The following PXDN variants were observed in gnomAD, a reference collection of about 807,000 sequenced individuals.
PXDN encodes the protein peroxidasin homolog.
PXDN carries 77 observed loss-of-function variants against 140.3 expected under a neutral mutation model. The observed-to-expected ratio is 0.55, with a 90% CI of 0.46 to 0.66. The LOEUF (loss-of-function observed/expected upper bound fraction) is 0.66, where lower values mean the gene tolerates loss of function less well. Ranked by LOEUF, PXDN falls within the 30% of genes least tolerant of loss-of-function variation. PXDN has a pLI of 0.00. For missense variants in PXDN, 1,838 were observed against 2,039.5 expected, an observed-to-expected ratio of 0.90 and a Z score of 1.90; for synonymous variants, 911 against 857.4, an observed-to-expected ratio of 1.06 and a Z score of -1.09.
intron 1 of PXDN, among the ~76,000 whole-genome samples, chr2:1,709,296 G>T (rs1416234907): frequency 6.6e-6 from 1 of 152,206 alleles, no homozygotes; most frequent in African/African-American, 2.4e-5. Context: ...CTCAGGAGGA[G>T]GCCCGGGAGT....
chr2:1,648,579 G>A lies in PXDN; in HGVS notation c.3201C>T (p.Thr1067=), dbSNP rs750128735. 32 of 1,613,820 alleles carry A rather than the reference G, an allele frequency of 2.0e-5. No homozygotes were observed. Among genetic ancestry groups the A allele is most frequent in the Admixed American group, 1.2e-4 (7 of 60,026 alleles). Residue 1067 remains threonine (T), a synonymous_variant, in exon 17 of 23, where the codon ACC becomes ACT. Transcript: ENST00000252804. This position sits in a 1 kb window ranked among gnomAD's most constrained non-coding sequence, Gnocchi z 8.9. ...GCGTGTGGCCAAACCTGAAGGCCGC[G>A]GTGGCGAAGGCGTTGAAGATGCCAG... The part of the protein sequence containing the change: ...INAGIFNAFA[T]AAFRFGHTLV...
intron 1 of PXDN, among the ~76,000 whole-genome samples, chr2:1,737,683 C>T (rs765617276): frequency 4.3e-4 from 65 of 151,998 alleles, no homozygotes; most frequent in Non-Finnish European, 8.2e-4. Context: ...GAACTACAGG[C>T]GTGAGCCACC....
chr2:1,728,119 T>C (rs796647201), intron 1 of PXDN, among the ~76,000 whole-genome samples: 1 of 152,274 alleles, frequency 6.6e-6, no homozygotes, highest in African/African-American at 2.4e-5. Flanking sequence ...TTGTATTTTT[T>C]GTAGAGACGG....
intron 9 of PXDN, chr2:1,672,375 C>T (rs1259352237): frequency 6.6e-6 from 1 of 152,222 alleles, no homozygotes; most frequent in African/African-American, 2.4e-5. Flanking sequence ...TACTCATAAT[C>T]CATAGTTATT....
chr2:1,641,869 T>G (rs868045475), intron 19 of PXDN, among the ~76,000 whole-genome samples: 1 of 152,068 alleles, frequency 6.6e-6, no homozygotes, highest in Non-Finnish European at 1.5e-5. Context: ...AGAAAATGGG[T>G]TTTTGTATCA....
chr2:1,651,859 G>A lies in PXDN; in HGVS notation c.2104+1769C>T, dbSNP rs914359225. Among the ~76,000 whole-genome samples the A allele has an allele frequency of 6.6e-6, 1 of 152,206 alleles. No homozygotes were observed. The highest frequency in any genetic ancestry group is 1.5e-5 in the Non-Finnish European group (1 of 68,038). ...GTTTTCCATCTGCATTTCTCTGGAA[G>A]GTCTGATCTTTGAGGGCAGAGGTTT... On this transcript the variant is annotated intron_variant, in intron 16 of 22. Coordinates refer to ENST00000252804, the MANE Select transcript of PXDN (RefSeq NM_012293.3). This position sits in a 1 kb window ranked among gnomAD's most constrained non-coding sequence, Gnocchi z 4.4.
At position 1,639,504 on chromosome 2, in the gene PXDN, G is replaced by A; in HGVS notation, c.3953-82C>T. 6.3e-7 allele frequency: 1 copy of A among 1,589,022 alleles called. No individual in the cohort carries two copies. The highest frequency in any genetic ancestry group is 2.2e-5 in the East Asian group (1 of 44,534). Reference sequence around the variant, plus strand: ...TTAAGCACATCCTGCCAACTATGAAGTCTTCACTGGCTGCCCGTGGAACAA... The same window carrying A: ...TTAAGCACATCCTGCCAACTATGAAATCTTCACTGGCTGCCCGTGGAACAA... On this transcript the variant is annotated intron_variant, in intron 19 of 22. Transcript: ENST00000252804. This position sits in a 1 kb window ranked among gnomAD's most constrained non-coding sequence, Gnocchi z 5.0.
At chr2:1,693,909 G>A (rs1447912391) in intron 1 of PXDN, among the ~76,000 whole-genome samples, 11 of 152,330 alleles carry the variant, frequency 7.2e-5, no homozygotes, top group South Asian at 2.1e-4. Context: ...CGGAGGCCAC[G>A]GGCCTGGGGG....
At chr2:1,732,826 A>G (rs1156519601) in intron 1 of PXDN, among the ~76,000 whole-genome samples, 1 of 152,250 alleles carries the variant, frequency 6.6e-6, no homozygotes, top group East Asian at 1.9e-4. Context: ...CAGAGCTGCC[A>G]CAGATGTTAG....
intron 17 of PXDN, among the ~76,000 whole-genome samples, chr2:1,646,446 C>T (rs1572120698): frequency 6.7e-6 from 1 of 148,652 alleles, no homozygotes; most frequent in African/African-American, 2.6e-5. Context: ...ACATAAAAAA[C>T]ACAGACAGTT....
At chr2:1,652,976 A>G (rs934088919) in intron 16 of PXDN, 2 of 174,358 alleles carry the variant, frequency 1.1e-5, no homozygotes, top group Non-Finnish European at 2.4e-5. Context: ...GTACAGAACC[A>G]TGAGTAACCA....
In PXDN at chr2:1,649,289, A is replaced by G. The variant is rs1682951827; in HGVS notation, c.2491T>C (p.Ser831Pro). The G allele has an allele frequency of 6.2e-7, 1 of 1,613,338 alleles. No homozygotes were observed. The highest frequency in any genetic ancestry group is 1.7e-5 in the Admixed American group (1 of 59,938). The change falls in exon 17 of 23, where the codon TCC becomes CCC. Residue 831 changes from serine to proline, a missense_variant. By Grantham distance (74) the Ser-to-Pro change is moderately conservative. This residue lies in a region of PXDN where 12 missense variants were observed against 34.2 expected (regional missense o/e 0.35). Transcript: ENST00000252804. This position sits in a 1 kb window ranked among gnomAD's most constrained non-coding sequence, Gnocchi z 7.1. ...WGQFLDHDLD[S>P]TVVALSQARF... ...GCCTGGCTCAGGGCCACCACCGTGG[A>G]GTCGAGGTCGTGGTCCAGGAACTGG...
intron 1 of PXDN, among the ~76,000 whole-genome samples, chr2:1,697,451 AC>A (rs1684323548): frequency 6.6e-6 from 1 of 152,188 alleles, no homozygotes; most frequent in Admixed American, 6.5e-5. Context: ...AGTGCTCCCC[AC>A]TTTACAATTT....
Position 1,666,432 on chromosome 2 carries a change from C to T in PXDN, c.1073G>A (p.Ser358Asn). Residue 358 changes from serine (S) to asparagine (N), a missense_variant, in exon 10 of 23, where the codon AGC (serine) becomes AAC (asparagine). By Grantham distance (46) the Ser-to-Asn change is conservative (BLOSUM62 1). Coordinates refer to ENST00000252804, the MANE Select transcript of PXDN (RefSeq NM_012293.3). ...PQNTEVLVGE[S>N]VTLECSATGH... The stretch of plus-strand genomic sequence containing the variant: ...TGTGGCGCTGCACTCCAGCGTGACG[C>T]TCTCCCCAACCAGCACCTCTGTATT... 6.2e-7 allele frequency: 1 copy of T among 1,613,220 alleles called. No homozygotes were observed. The highest frequency in any genetic ancestry group is 8.5e-7 in the Non-Finnish European group (1 of 1,179,486).
At chr2:1,635,690 C>T (rs1399546262) in intron 21 of PXDN, 169 bp from the exon 22 acceptor site, 12 of 642,760 alleles carry the variant, frequency 1.9e-5, no homozygotes, top group Admixed American at 1.1e-4. Flanking sequence ...ATTAGACTGG[C>T]GGCAGCTGAC....
chr2:1,643,360 G>C lies in PXDN; in HGVS notation c.3952+8C>G. On this transcript the variant is annotated splice_region_variant and intron_variant, in intron 19 of 22. Coordinates refer to ENST00000252804, the MANE Select transcript of PXDN (RefSeq NM_012293.3). ...AAAAGGAACAGACATGGTGCCCCTGGCACGCACCTTCACAGCAGTCCTGCC... is the reference window on the plus strand; with the variant it reads ...AAAAGGAACAGACATGGTGCCCCTGCCACGCACCTTCACAGCAGTCCTGCC... 6.2e-7 allele frequency: 1 copy of C among 1,611,598 alleles called. No individual in the cohort carries two copies. The highest frequency in any genetic ancestry group is 1.1e-5 in the South Asian group (1 of 91,050).
chr2:1,674,358 C>T (rs1056281473), intron 8 of PXDN, among the ~76,000 whole-genome samples: 5 of 152,280 alleles, frequency 3.3e-5, no homozygotes, highest in African/African-American at 7.2e-5. Context: ...TGCAGGTGTG[C>T]GCCAGACCTC....
Position 1,649,797 on chromosome 2 carries a change from G to A in PXDN, c.2105-122C>T. 2 of 1,163,050 alleles carry A rather than the reference G, an allele frequency of 1.7e-6. No homozygotes were observed. The highest frequency in any genetic ancestry group is 1.5e-5 in the African/African-American group (1 of 65,736). The allele number at this position is 1,163,050 out of a possible 1,614,324, so 72.0% of individuals were successfully genotyped here. A position where few individuals can be genotyped will look rare whatever the true frequency, so the allele number is the denominator to read the frequency against. On this transcript the variant is annotated intron_variant, in intron 16 of 22. Coordinates refer to ENST00000252804, the MANE Select transcript of PXDN (RefSeq NM_012293.3). This position sits in a 1 kb window ranked among gnomAD's most constrained non-coding sequence, Gnocchi z 7.1. ...CTACCCCCAGCTCATGAAACCTGTTGTGCGCCATGCAACAAGCGCTTCCTG... is the reference window on the plus strand; with the variant it reads ...CTACCCCCAGCTCATGAAACCTGTTATGCGCCATGCAACAAGCGCTTCCTG...
intron 1 of PXDN, among the ~76,000 whole-genome samples, chr2:1,694,596 C>T (rs777752954): frequency 1.3e-4 from 20 of 152,246 alleles, no homozygotes; most frequent in Non-Finnish European, 1.6e-4. Context: ...ACCCACTGTC[C>T]ACCAACAGTC....
Sources: gnomAD v4.1 joint callset for allele counts (sites outside exome capture counted in the v4.1 genomes callset) on GRCh38, gnomAD v4.1.1 for gene constraint, gnomAD v4.1.1 regional missense constraint, Gnocchi (gnomAD v3.1) non-coding constraint, MANE v1.5 for transcripts, NCBI Gene and HGNC (gene_info 2026-07-23, HGNC 2026-07-21) for gene names.